Variants in WWP1 observed in about 807,000 individuals in gnomAD.
The protein encoded by WWP1 is NEDD4-like E3 ubiquitin-protein ligase WWP1.
A neutral mutation model predicts 130.6 loss-of-function variants in WWP1; 49 were observed. The ratio of observed to expected loss-of-function variants is 0.38; its 90% CI spans 0.30 to 0.48. The LOEUF (loss-of-function observed/expected upper bound fraction) is 0.48, where lower values mean the gene tolerates loss of function less well. Among genes scored for constraint, WWP1 ranks in the 20% least tolerant of loss-of-function variants. WWP1 has a pLI of 0.99. For synonymous variants in WWP1, 332 were observed against 367.8 expected (o/e 0.90, Z 1.11); for missense variants, 809 against 1,100.6 (o/e 0.74, Z 3.75).
At position 86,454,017 on chromosome 8, in the gene WWP1, T is replaced by G. The variant is rs2130762479; in HGVS notation, c.2394+1338T>G. The stretch of plus-strand genomic sequence containing the variant: ...GCACTTCAGATTTCATACAGTAATA[T>G]TCCTATGTAGGATTTAGCCTTCTGG... On this transcript the variant is annotated intron_variant, in intron 21 of 24. Coordinates refer to ENST00000517970, the MANE Select transcript of WWP1 (RefSeq NM_007013.4). Among the ~76,000 whole-genome samples the G allele has an allele frequency of 2.0e-5, 3 of 152,264 alleles. No homozygotes were observed. In the South Asian group the frequency reaches 6.2e-4, roughly 32 times the overall value.
chr8:86,400,156 C>T (rs1375736342), intron 7 of WWP1, among the ~76,000 whole-genome samples: 1 of 151,882 alleles, frequency 6.6e-6, no homozygotes, highest in Non-Finnish European at 1.5e-5. Context: ...TGGTGAAACC[C>T]CGTCTCTACT....
chr8:86,466,537 ATT>A lies in WWP1; in HGVS notation c.2670-243_2670-242del, dbSNP rs369113098. On this transcript the variant is annotated intron_variant, in intron 24 of 24. Transcript: ENST00000517970. The stretch of plus-strand genomic sequence containing the variant: ...AACAGGAATAGTAAAAAGAAAATGG[ATT>A]TTTTTTTTTTTTTAAATTTGTCTTT... Among the ~76,000 whole-genome samples the A allele has an allele frequency of 2.7e-3, 394 of 146,950 alleles. 1 individual carries two copies. Among genetic ancestry groups the A allele is most frequent in the African/African-American group, 9.2e-3 (374 of 40,488 alleles).
At chr8:86,459,023 C>CTTTTTTTTTTTTTTTTTTTT (rs71275853) in intron 22 of WWP1, among the ~76,000 whole-genome samples, 10 of 84,260 alleles carry the variant, frequency 1.2e-4, no homozygotes, top group Non-Finnish European at 1.7e-4. Context: ...TTTCTTTTTT[C>CTTTTTTTTTTTTTTTTTTTT]TTTTTTTTTT....
chr8:86,380,665 AT>A, intron 3 of WWP1, 60 bp from the exon 4 acceptor site: 1 of 1,478,498 alleles, frequency 6.8e-7, no homozygotes, highest in Non-Finnish European at 9.0e-7. Flanking sequence ...TTATTGATTG[AT>A]TAGTGTGCAG....
At chr8:86,436,163 G>A (rs1427976935) in intron 16 of WWP1, among the ~76,000 whole-genome samples, 3 of 152,198 alleles carry the variant, frequency 2.0e-5, no homozygotes, top group Non-Finnish European at 4.4e-5. Flanking sequence ...TAAAGGTACT[G>A]AGACTGAGAG....
intron 1 of WWP1, among the ~76,000 whole-genome samples, chr8:86,343,713 A>G (rs1365207441): frequency 6.6e-6 from 1 of 152,078 alleles, no homozygotes; most frequent in Non-Finnish European, 1.5e-5. Flanking sequence ...TGTCTGTTAT[A>G]ATTTTGACAT....
intron 9 of WWP1, among the ~76,000 whole-genome samples, chr8:86,420,814 A>G (rs1427669408): frequency 6.6e-6 from 1 of 152,224 alleles, no homozygotes. Context: ...ACTATCTGAA[A>G]GTATATGTAA....
intron 5 of WWP1, among the ~76,000 whole-genome samples, chr8:86,382,244 T>G (rs1212221995): frequency 6.6e-6 from 1 of 152,210 alleles, no homozygotes; most frequent in Non-Finnish European, 1.5e-5. Flanking sequence ...TCCATGATAC[T>G]TTTTCTAGAC....
At chr8:86,445,976 CTTTTTTTT>C (rs56731329) in intron 18 of WWP1, among the ~76,000 whole-genome samples, 9 of 84,962 alleles carry the variant, frequency 1.1e-4, no homozygotes, top group South Asian at 4.8e-4. Context: ...CTTTTCTTTT[CTTTTTTTT>C]TTTTTTTTTT....
At chr8:86,376,794 A>G (rs1824681574) in intron 3 of WWP1, among the ~76,000 whole-genome samples, 1 of 152,140 alleles carries the variant, frequency 6.6e-6, no homozygotes, top group Non-Finnish European at 1.5e-5. Flanking sequence ...TCCTTTTGGG[A>G]AAGAATGATC....
At chr8:86,421,845 A>G (rs1004510608) in intron 9 of WWP1, among the ~76,000 whole-genome samples, 8 of 152,156 alleles carry the variant, frequency 5.3e-5, no homozygotes, top group African/African-American at 1.9e-4. Flanking sequence ...TTTTTTTTGA[A>G]AATATAAATT....
chr8:86,431,056 G>GAT (rs1184207624), intron 12 of WWP1, among the ~76,000 whole-genome samples: 2 of 131,056 alleles, frequency 1.5e-5, no homozygotes, highest in African/African-American at 3.0e-5. Flanking sequence ...TATTATAAGG[G>GAT]ATATATATAT....
intron 17 of WWP1, among the ~76,000 whole-genome samples, chr8:86,438,886 G>A (rs1315954039): frequency 1.3e-5 from 2 of 151,846 alleles, no homozygotes; most frequent in Non-Finnish European, 2.9e-5. Context: ...TTGTATATAT[G>A]TGTAATATAG....
intron 16 of WWP1, among the ~76,000 whole-genome samples, chr8:86,438,240 T>C (rs1157886475): frequency 6.6e-6 from 1 of 152,194 alleles, no homozygotes; most frequent in Non-Finnish European, 1.5e-5. Context: ...GTCTTCACAT[T>C]GAATAGGCTG....
chr8:86,348,112 A>G (rs1399962289), intron 1 of WWP1, among the ~76,000 whole-genome samples: 1 of 152,268 alleles, frequency 6.6e-6, no homozygotes, highest in Non-Finnish European at 1.5e-5. Flanking sequence ...TAGGGAATGT[A>G]TAATGTAAAA....
At chr8:86,379,819 G>C (rs181633028) in intron 3 of WWP1, among the ~76,000 whole-genome samples, 3 of 152,274 alleles carry the variant, frequency 2.0e-5, no homozygotes, top group East Asian at 1.9e-4. Flanking sequence ...GTACCTGGCA[G>C]GGATGTTAAT....
At position 86,435,666 on chromosome 8, in the gene WWP1, G is replaced by A. The variant is rs1414803397; in HGVS notation, c.1711G>A (p.Val571Met). ...ACTACCTAGTCATGTAAAGATCAAT[G>A]TGTCCCGGCAGACATTGTTTGAAGA... ...NALPSHVKIN[V>M]SRQTLFEDSF... is the part of the protein sequence containing the mutation. The change falls in exon 16 of 25, where the codon GTG becomes ATG. Residue 571 changes from valine to methionine, a missense_variant. Coordinates refer to ENST00000517970, the MANE Select transcript of WWP1 (RefSeq NM_007013.4). The A allele has an allele frequency of 1.2e-6, 2 of 1,612,770 alleles. No individual in the cohort carries two copies. Among genetic ancestry groups the A allele is most frequent in the Non-Finnish European group, 1.7e-6 (2 of 1,179,846 alleles).
intron 24 of WWP1, among the ~76,000 whole-genome samples, chr8:86,464,668 A>C (rs777997832): frequency 6.6e-6 from 1 of 152,066 alleles, no homozygotes; most frequent in Non-Finnish European, 1.5e-5. Context: ...AGTGCACGCC[A>C]CTATGCCTGG....
At chr8:86,344,081 T>A (rs1050971641) in intron 1 of WWP1, among the ~76,000 whole-genome samples, 1 of 152,224 alleles carries the variant, frequency 6.6e-6, no homozygotes, top group Non-Finnish European at 1.5e-5. Flanking sequence ...TCTTTTATTG[T>A]GTGACTTGTT....
Sources: gnomAD v4.1 joint callset for allele counts (sites outside exome capture counted in the v4.1 genomes callset) on GRCh38, gnomAD v4.1.1 for gene constraint, MANE v1.5 for transcripts, NCBI Gene and HGNC (gene_info 2026-07-23, HGNC 2026-07-21) for gene names.